Variants in PHF2 observed in about 807,000 individuals in gnomAD.
PHF2 encodes lysine-specific demethylase PHF2.
Under a neutral mutation model 120.5 loss-of-function variants are expected in PHF2, and 27 were observed. The ratio of observed to expected loss-of-function variants is 0.22; its 90% CI spans 0.17 to 0.31. The LOEUF (loss-of-function observed/expected upper bound fraction) is 0.31, where lower values mean the gene tolerates loss of function less well. PHF2 is among the 10% of genes least tolerant of loss of function. The pLI, the probability that PHF2 is intolerant of heterozygous loss-of-function variation, is 1.00. For missense variants in PHF2, 1,024 were observed against 1,434.8 expected (o/e 0.71, Z 4.63); for synonymous variants, 568 against 592.5 (o/e 0.96, Z 0.60).
chr9:93,642,296 A>T (rs1359187537), intron 3 of PHF2, among the ~76,000 whole-genome samples: 1 of 152,236 alleles, frequency 6.6e-6, no homozygotes, highest in African/African-American at 2.4e-5. Flanking sequence ...TTAGTTTGTC[A>T]ATTTCTGCAA....
At chr9:93,599,707 A>G (rs1825403528) in intron 1 of PHF2, among the ~76,000 whole-genome samples, 1 of 152,188 alleles carries the variant, frequency 6.6e-6, no homozygotes. Flanking sequence ...ACGAGGGCTG[A>G]TGTGGTCCAG....
intron 17 of PHF2, 149 bp downstream of exon 17, chr9:93,667,389 C>A: frequency 1.2e-6 from 1 of 838,174 alleles, no homozygotes. Flanking sequence ...GGGCACACCT[C>A]AGATGTTGGA....
chr9:93,585,690 A>T (rs1222192987), intron 1 of PHF2, among the ~76,000 whole-genome samples: 2 of 152,224 alleles, frequency 1.3e-5, no homozygotes, highest in African/African-American at 4.8e-5. Context: ...TGCCAGACTC[A>T]GGCATTGAAC....
At chr9:93,648,483 A>G (rs921029833) in intron 4 of PHF2, among the ~76,000 whole-genome samples, 1 of 152,252 alleles carries the variant, frequency 6.6e-6, no homozygotes, top group Non-Finnish European at 1.5e-5. Context: ...GTTTGTGGTC[A>G]GAGCAGCCAT....
chr9:93,580,751 A>G (rs1398280234), intron 1 of PHF2, among the ~76,000 whole-genome samples: 1 of 152,124 alleles, frequency 6.6e-6, no homozygotes, highest in Non-Finnish European at 1.5e-5. Flanking sequence ...TACCTCAGTA[A>G]ATATTTGTTG....
At chr9:93,610,640 A>G (rs778596282) in intron 1 of PHF2, among the ~76,000 whole-genome samples, 23 of 151,606 alleles carry the variant, frequency 1.5e-4, no homozygotes, top group Non-Finnish European at 2.1e-4. Flanking sequence ...GTTTTGTTTT[A>G]TTTTGCTTTT....
intron 1 of PHF2, among the ~76,000 whole-genome samples, chr9:93,611,521 T>A (rs866064979): frequency 2.4e-4 from 37 of 152,326 alleles, no homozygotes; most frequent in African/African-American, 8.2e-4. Context: ...ATATTCCTTT[T>A]ATTTTTTAAT....
At position 93,676,596 on chromosome 9, in the gene PHF2, G is replaced by C. The variant is rs1826915561; in HGVS notation, c.2835G>C (p.Glu945Asp). ...AAAAAKLSQQ[E>D]EQKSKKKKSA... ...TGCCCTGCATGTTTTGTTCAAAGGA[G>C]GAGCAGAAAAGCAAGAAAAAAAAGA... is the stretch of plus-strand genomic sequence containing the variant. The change falls in exon 21 of 22, where the codon GAG (glutamate) becomes GAC (aspartate). Residue 945 changes from glutamate to aspartate, a missense_variant and splice_region_variant. Physicochemically the swap from Glu to Asp is conservative, Grantham distance 45. Coordinates refer to ENST00000359246, the MANE Select transcript of PHF2 (RefSeq NM_005392.4). The C allele has an allele frequency of 6.3e-7, 1 of 1,592,978 alleles. No homozygotes were observed. The highest frequency in any genetic ancestry group is 8.6e-7 in the Non-Finnish European group (1 of 1,165,836).
At chr9:93,638,224 A>G (rs149958414) in intron 3 of PHF2, among the ~76,000 whole-genome samples, 31 of 151,776 alleles carry the variant, frequency 2.0e-4, no homozygotes, top group African/African-American at 7.3e-4. Flanking sequence ...ACTCTCTCCT[A>G]TTCTGTGGGT....
chr9:93,659,385 C>G (rs907617342), intron 10 of PHF2, 126 bp from the exon 11 acceptor site: 8 of 714,086 alleles, frequency 1.1e-5, no homozygotes, highest in Middle Eastern at 2.6e-4. Context: ...GAGTTTGGCT[C>G]GGAAGCCCCT....
intron 1 of PHF2, among the ~76,000 whole-genome samples, chr9:93,594,540 G>C (rs528111782): frequency 6.6e-6 from 1 of 152,322 alleles, no homozygotes; most frequent in African/African-American, 2.4e-5. Context: ...TCTACTGCAA[G>C]TGGGGATCCC....
chr9:93,635,444 C>T (rs1826074105), intron 2 of PHF2, among the ~76,000 whole-genome samples: 1 of 152,232 alleles, frequency 6.6e-6, no homozygotes, highest in Admixed American at 6.5e-5. Context: ...TCAGTCCCTT[C>T]ACTGCTCAAG....
chr9:93,625,397 C>T (rs1284927103), intron 1 of PHF2, among the ~76,000 whole-genome samples: 1 of 150,898 alleles, frequency 6.6e-6, no homozygotes, highest in Admixed American at 6.6e-5. Flanking sequence ...GACATTCGGG[C>T]AATTTCCACT....
intron 3 of PHF2, among the ~76,000 whole-genome samples, chr9:93,637,044 C>A (rs953483113): frequency 1.3e-5 from 2 of 152,270 alleles, no homozygotes; most frequent in Non-Finnish European, 2.9e-5. Flanking sequence ...GGGGAGGCAC[C>A]TCTGAGCTGC....
At chr9:93,620,505 C>T (rs1825808331) in intron 1 of PHF2, among the ~76,000 whole-genome samples, 1 of 152,224 alleles carries the variant, frequency 6.6e-6, no homozygotes, top group Non-Finnish European at 1.5e-5. Context: ...CTGCTTGCCT[C>T]TCAGGTGGCC....
In PHF2 at chr9:93,673,746, G is replaced by A; in HGVS notation, c.2510G>A (p.Ser837Asn). Residue 837 changes from serine (S) to asparagine (N), a missense_variant, in exon 18 of 22, where the codon AGT (serine) becomes AAT (asparagine). By Grantham distance (46) the Ser-to-Asn change is conservative. Around this residue, in one of 2 missense-constraint regions of PHF2, gnomAD observed 677 missense variants for 857.4 expected, o/e 0.79. Transcript: ENST00000359246. ...GGTGCCCGGAAGAATGGGGGTGGCA[G>A]TGGCAAGAGTGCAGGCAAACGACTG... is the stretch of plus-strand genomic sequence containing the variant. The part of the protein sequence containing the change: ...AHGARKNGGG[S>N]GKSAGKRLLK... The A allele has an allele frequency of 6.2e-7, 1 of 1,613,436 alleles. No individual in the cohort carries two copies. The highest frequency in any genetic ancestry group is 1.1e-5 in the South Asian group (1 of 91,048).
Position 93,674,960 on chromosome 9 carries a change from C to A in PHF2, c.2660C>A (p.Pro887His). 1 of 1,613,934 alleles carries A rather than the reference C, an allele frequency of 6.2e-7. No homozygotes were observed. Among genetic ancestry groups the A allele is most frequent in the African/African-American group, 1.3e-5 (1 of 75,044 alleles). The part of the protein sequence containing the change: ...YPSLESDEDN[P>H]IFKSRSKKRK... The stretch of plus-strand genomic sequence containing the variant: ...TCACTGGAGTCAGATGAAGACAACC[C>A]CATCTTTAAGTCCCGGTCGAAGAAA... Residue 887 changes from proline (P) to histidine (H), a missense_variant, in exon 19 of 22, where the codon CCC (proline) becomes CAC (histidine). Transcript: ENST00000359246.
At chr9:93,602,229 T>C (rs1480530140) in intron 1 of PHF2, among the ~76,000 whole-genome samples, 2 of 150,600 alleles carry the variant, frequency 1.3e-5, no homozygotes, top group African/African-American at 4.9e-5. Flanking sequence ...TTAAAGTCAT[T>C]TTGCATTCCT....
At chr9:93,593,105 A>AAAAAAAAAAAAAAAAAAAAAAAAAGG (rs1554790887) in intron 1 of PHF2, among the ~76,000 whole-genome samples, 1 of 122,716 alleles carries the variant, frequency 8.1e-6, no homozygotes, top group African/African-American at 3.3e-5. Flanking sequence ...AAAAAAAAAA[A>AAAAAAAAAAAAAAAAAAAAAAAAAGG]AAAAAAGAAA....
Sources: allele counts gnomAD v4.1 joint callset (sites outside exome capture counted in the v4.1 genomes callset), GRCh38; gene constraint gnomAD v4.1.1; regional missense constraint gnomAD v4.1.1; transcripts MANE v1.5; gene names NCBI Gene and HGNC (gene_info 2026-07-23, HGNC 2026-07-21).